Variants in PEPD observed in about 807,000 individuals in gnomAD.
PEPD encodes peptidase D, also known as xaa-Pro dipeptidase.
A neutral mutation model predicts 60.7 loss-of-function variants in PEPD; 53 were observed. The observed-to-expected ratio is 0.87, with a 90% CI of 0.70 to 1.10. The LOEUF (loss-of-function observed/expected upper bound fraction) is 1.10. PEPD is among the 50% of genes least tolerant of loss of function. PEPD has a pLI of 0.00. For synonymous variants in PEPD, 267 were observed against 284.1 expected (o/e 0.94, Z 0.60); for missense variants, 711 against 711.9 (o/e 1.00, Z 0.01).
chr19:33,416,807 A>T (rs1968900736), intron 9 of PEPD, among the ~76,000 whole-genome samples: 1 of 152,214 alleles, frequency 6.6e-6, no homozygotes, highest in Non-Finnish European at 1.5e-5. Context: ...AGAGCCCTTA[A>T]GCAACCTGGG....
chr19:33,393,647 C>T (rs954707636), intron 12 of PEPD, among the ~76,000 whole-genome samples: 3 of 152,218 alleles, frequency 2.0e-5, no homozygotes, highest in African/African-American at 7.2e-5. Context: ...CGGACAGTGG[C>T]ATTGGCCACC....
intron 6 of PEPD, among the ~76,000 whole-genome samples, chr19:33,479,656 G>A (rs1321343947): frequency 6.6e-6 from 1 of 152,162 alleles, no homozygotes; most frequent in African/African-American, 2.4e-5. Flanking sequence ...CCACTTGTAA[G>A]TGAGAACATG....
chr19:33,503,088 C>T (rs1413260359), intron 3 of PEPD, among the ~76,000 whole-genome samples: 3 of 152,080 alleles, frequency 2.0e-5, no homozygotes, highest in Non-Finnish European at 4.4e-5. Context: ...ATGTGCCATT[C>T]TCAGCCTTTG....
intron 6 of PEPD, among the ~76,000 whole-genome samples, chr19:33,478,316 T>C (rs911194363): frequency 6.6e-6 from 1 of 152,170 alleles, no homozygotes; most frequent in African/African-American, 2.4e-5. Flanking sequence ...GCTTTATGGC[T>C]ACAAAACACC....
At chr19:33,439,629 C>A (rs1969447104) in intron 9 of PEPD, among the ~76,000 whole-genome samples, 1 of 152,150 alleles carries the variant, frequency 6.6e-6, no homozygotes, top group Non-Finnish European at 1.5e-5. Context: ...AAGGAGACAC[C>A]CCAGGTGGGA....
chr19:33,484,759 T>C lies in PEPD; in HGVS notation c.503+5237A>G, dbSNP rs923661263. The stretch of plus-strand genomic sequence containing the variant: ...ACACAGATCAATGTGTATACACAGA[T>C]AGACACACACACACACACTCAGACA... On this transcript the variant is annotated intron_variant, in intron 6 of 14. Coordinates refer to ENST00000244137, the MANE Select transcript of PEPD (RefSeq NM_000285.4). Among the ~76,000 whole-genome samples the C allele has an allele frequency of 4.6e-5, 7 of 151,774 alleles. No homozygotes were observed. In the South Asian group the frequency reaches 8.3e-4, roughly 18 times the overall value.
At chr19:33,517,558 CA>C (rs1192856289) in intron 1 of PEPD, among the ~76,000 whole-genome samples, 1 of 146,766 alleles carries the variant, frequency 6.8e-6, no homozygotes, top group Non-Finnish European at 1.5e-5. Context: ...GACTCCGTTT[CA>C]AAAAAAACAA....
At chr19:33,485,606 A>G (rs369684750) in intron 6 of PEPD, among the ~76,000 whole-genome samples, 1 of 152,076 alleles carries the variant, frequency 6.6e-6, no homozygotes, top group Non-Finnish European at 1.5e-5. Context: ...GTAATCGTCA[A>G]GTTTTAATAA....
rs1341737860 is a variant in PEPD, at chr19:33,388,018, C to T, written c.1216G>A (p.Gly406Ser). ...CCCGGCTCCACGGTGAGCACCATGCCTGGCTGCAGGTGCCGTGCAGTGCGC... is the reference window on the plus strand; with the variant it reads ...CCCGGCTCCACGGTGAGCACCATGCTTGGCTGCAGGTGCCGTGCAGTGCGC... ...SLRTARHLQPGMVLTVEPGIY... is the reference protein window; with the variant it reads ...SLRTARHLQPSMVLTVEPGIY... The change falls in exon 14 of 15, where the codon GGC becomes AGC. Residue 406 changes from glycine to serine, a missense_variant. By Grantham distance (56) the Gly-to-Ser change is moderately conservative. Transcript: ENST00000244137. 21 of 1,569,824 alleles carry T rather than the reference C, an allele frequency of 1.3e-5. No individual in the cohort carries two copies. Among genetic ancestry groups the T allele is most frequent in the Non-Finnish European group, 1.6e-5 (19 of 1,157,736 alleles).
rs755165324 is a variant in PEPD, at chr19:33,391,461, A to G, written c.986T>C (p.Met329Thr). 1.5e-5 allele frequency: 23 copies of G among 1,551,416 alleles called. No individual in the cohort carries two copies. The highest frequency in any genetic ancestry group is 1.9e-5 in the Non-Finnish European group (22 of 1,147,932). The change falls in exon 13 of 15, where the codon ATG (methionine) becomes ACG (threonine). Residue 329 changes from methionine to threonine, a missense_variant. Transcript: ENST00000244137. ...GTGGATGCGGTCAGCCAGGCGGTGC[A>G]TGTCAGGCCACCAGACACCTGTGGG... is the stretch of plus-strand genomic sequence containing the variant. Reference protein sequence around the residue: ...AMKPGVWWPDMHRLADRIHLE... With the variant: ...AMKPGVWWPDTHRLADRIHLE...
At chr19:33,391,261 G>T (rs757435305) in intron 13 of PEPD, 34 bp downstream of exon 13, 3 of 1,560,288 alleles carry the variant, frequency 1.9e-6, no homozygotes, top group Non-Finnish European at 2.6e-6. Flanking sequence ...GCAGCTGATG[G>T]GCAGGCCACT....
At chr19:33,451,555 A>C (rs987919772) in intron 9 of PEPD, among the ~76,000 whole-genome samples, 4 of 152,252 alleles carry the variant, frequency 2.6e-5, no homozygotes, top group Admixed American at 2.6e-4. Context: ...CAGAAAACAC[A>C]AAATAAGGCT....
At chr19:33,438,287 C>A (rs935754889) in intron 9 of PEPD, among the ~76,000 whole-genome samples, 1 of 152,226 alleles carries the variant, frequency 6.6e-6, no homozygotes, top group African/African-American at 2.4e-5. Flanking sequence ...GCCCACTCTG[C>A]AGGGAAAACA....
chr19:33,435,553 C>A (rs540211768), intron 9 of PEPD, among the ~76,000 whole-genome samples: 33 of 152,332 alleles, frequency 2.2e-4, no homozygotes, highest in African/African-American at 7.7e-4. Flanking sequence ...AACCAACCCC[C>A]CTCGTTCGGT....
intron 9 of PEPD, among the ~76,000 whole-genome samples, chr19:33,425,044 A>G (rs1021132070): frequency 1.6e-4 from 24 of 152,158 alleles, no homozygotes; most frequent in African/African-American, 5.8e-4. Flanking sequence ...ATACATCCAG[A>G]GAGGCTCAAA....
Position 33,512,736 on chromosome 19 carries a change from G to A in PEPD, c.58C>T (p.Leu20=). ...TGCCGGTTCAAGGCAAAGAGCGCCAGCGGCACCTTCAGGGTTTCATTCCCC... is the reference window on the plus strand; with the variant it reads ...TGCCGGTTCAAGGCAAAGAGCGCCAACGGCACCTTCAGGGTTTCATTCCCC... The part of the protein sequence containing the change: ...WLGNETLKVP[L]ALFALNRQRL... The change falls in exon 2 of 15, where the codon CTG becomes TTG. Residue 20 remains leucine (L), a synonymous_variant. Transcript: ENST00000244137. 2 of 1,614,150 alleles carry A rather than the reference G, an allele frequency of 1.2e-6. No individual in the cohort carries two copies. Among genetic ancestry groups the A allele is most frequent in the Non-Finnish European group, 1.7e-6 (2 of 1,180,000 alleles).
chr19:33,387,588 C>G (rs1008941838), intron 14 of PEPD, 107 bp from the exon 15 acceptor site: 28 of 1,443,168 alleles, frequency 1.9e-5, no homozygotes, highest in Non-Finnish European at 2.7e-5. Flanking sequence ...GAGCAGCTGA[C>G]ACTCCCTGGG....
chr19:33,454,745 A>G (rs1397064467), intron 9 of PEPD, among the ~76,000 whole-genome samples: 1 of 152,232 alleles, frequency 6.6e-6, no homozygotes, highest in Admixed American at 6.5e-5. Flanking sequence ...TGTGGGTGGC[A>G]CACAGTGACT....
At chr19:33,444,914 CCTCCCA>C (rs1969565070) in intron 9 of PEPD, among the ~76,000 whole-genome samples, 1 of 152,186 alleles carries the variant, frequency 6.6e-6, no homozygotes, top group South Asian at 2.1e-4. Context: ...AGTGTGTAAT[CCTCCCA>C]CTTGTCTGTC....
Sources: gnomAD v4.1 joint callset for allele counts (sites outside exome capture counted in the v4.1 genomes callset) on GRCh38, gnomAD v4.1.1 for gene constraint, MANE v1.5 for transcripts, NCBI Gene and HGNC (gene_info 2026-07-23, HGNC 2026-07-21) for gene names.